Variants in ZCWPW2 observed in about 807,000 individuals in gnomAD.
ZCWPW2 encodes zinc finger CW-type PWWP domain protein 2.
Under a neutral mutation model 46.6 loss-of-function variants are expected in ZCWPW2, and 45 were observed. The observed-to-expected ratio is 0.96, with a 90% CI of 0.76 to 1.24. ZCWPW2 has a LOEUF of 1.24. ZCWPW2 is among the 50% of genes most tolerant of loss of function. The pLI is 0.00. For missense variants in ZCWPW2, 429 were observed against 403.9 expected (o/e 1.06, Z -0.53); for synonymous variants, 152 against 137.1 (o/e 1.11, Z -0.76).
chr3:28,507,538 G>A (rs1282573553), intron 6 of ZCWPW2, among the ~76,000 whole-genome samples: 1 of 150,694 alleles, frequency 6.6e-6, no homozygotes, highest in Non-Finnish European at 1.5e-5. Context: ...GTACAGTGGT[G>A]CAATCTTGGC....
chr3:28,352,109 C>T (rs1704573538), intron 1 of ZCWPW2, among the ~76,000 whole-genome samples: 1 of 148,902 alleles, frequency 6.7e-6, no homozygotes, highest in Non-Finnish European at 1.5e-5. Flanking sequence ...CCTCCTTTCC[C>T]TCTATCTCAG....
intron 6 of ZCWPW2, among the ~76,000 whole-genome samples, chr3:28,511,459 G>A (rs754564089): frequency 3.7e-4 from 56 of 152,034 alleles, no homozygotes; most frequent in Non-Finnish European, 6.8e-4. Context: ...CTATCCAAGT[G>A]TTAAATCTAT....
At chr3:28,480,874 T>C (rs1240226942) in intron 5 of ZCWPW2, among the ~76,000 whole-genome samples, 2 of 149,228 alleles carry the variant, frequency 1.3e-5, no homozygotes, top group East Asian at 2.0e-4. Flanking sequence ...CTTTTTTTTT[T>C]TTTTTTTTTG....
intron 3 of ZCWPW2, among the ~76,000 whole-genome samples, chr3:28,426,109 C>CA (rs905168650): frequency 4.7e-5 from 7 of 149,194 alleles, no homozygotes; most frequent in African/African-American, 1.5e-4. Flanking sequence ...AACTCTGTCA[C>CA]AAAAAAAAAT....
intron 4 of ZCWPW2, among the ~76,000 whole-genome samples, chr3:28,464,958 T>A (rs1373657470): frequency 6.6e-6 from 1 of 152,260 alleles, no homozygotes; most frequent in Admixed American, 6.5e-5. Context: ...TAAGCTTGAA[T>A]CCTATTTTGA....
chr3:28,482,521 AC>A (rs1217116155), intron 5 of ZCWPW2, among the ~76,000 whole-genome samples: 1 of 151,140 alleles, frequency 6.6e-6, no homozygotes. Flanking sequence ...ATACCAAGGA[AC>A]ACAATTGCTG....
chr3:28,412,335 TTAA>T (rs993794321), intron 2 of ZCWPW2, among the ~76,000 whole-genome samples: 1 of 151,964 alleles, frequency 6.6e-6, no homozygotes, highest in African/African-American at 2.4e-5. Context: ...AGAAATTTAA[TTAA>T]TAATAAATAA....
intron 3 of ZCWPW2, among the ~76,000 whole-genome samples, chr3:28,413,907 A>G (rs1371187943): frequency 1.3e-5 from 2 of 152,074 alleles, no homozygotes; most frequent in Non-Finnish European, 2.9e-5. Flanking sequence ...TTTGAAAAGC[A>G]TGTATTCTAT....
intron 5 of ZCWPW2, among the ~76,000 whole-genome samples, chr3:28,483,479 T>C (rs1699497844): frequency 6.6e-6 from 1 of 152,174 alleles, no homozygotes; most frequent in Non-Finnish European, 1.5e-5. Context: ...GGTCTTTGCC[T>C]TTCCATAAAA....
chr3:28,511,698 T>C (rs1700429565), intron 6 of ZCWPW2, among the ~76,000 whole-genome samples: 1 of 152,154 alleles, frequency 6.6e-6, no homozygotes, highest in South Asian at 2.1e-4. Context: ...CATTCAGTTG[T>C]CTACTTTTGT....
At chr3:28,459,337 T>C (rs1421033350) in intron 4 of ZCWPW2, among the ~76,000 whole-genome samples, 2 of 151,468 alleles carry the variant, frequency 1.3e-5, no homozygotes, top group Admixed American at 6.6e-5. Flanking sequence ...GCCACTGCAC[T>C]CCAGCCTGGG....
intron 1 of ZCWPW2, among the ~76,000 whole-genome samples, 178 bp downstream of exon 1, chr3:28,349,381 A>G (rs970452130): frequency 6.6e-6 from 1 of 152,146 alleles, no homozygotes; most frequent in African/African-American, 2.4e-5. Context: ...GGAACTGGGA[A>G]GTCTGTTAGA....
intron 5 of ZCWPW2, among the ~76,000 whole-genome samples, chr3:28,480,864 C>CTTTT (rs56891846): frequency 8.2e-6 from 1 of 122,008 alleles, no homozygotes; most frequent in African/African-American, 3.1e-5. Flanking sequence ...CATTTTTTTT[C>CTTTT]TTTTTTTTTT....
chr3:28,524,400 A>G, intron 9 of ZCWPW2, 127 bp from the exon 10 acceptor site: 1 of 926,246 alleles, frequency 1.1e-6, no homozygotes, highest in Non-Finnish European at 1.7e-6. Flanking sequence ...AGTGATTATT[A>G]TTTGAACACT....
chr3:28,411,848 CT>C lies in ZCWPW2; in HGVS notation c.-13-1203del, dbSNP rs150737375. Among the ~76,000 whole-genome samples the C allele has an allele frequency of 6.8e-3, 1,040 of 152,146 alleles. 10 individuals are homozygous for C. Among genetic ancestry groups the C allele is most frequent in the African/African-American group, 0.023 (943 of 41,538 alleles). On this transcript the variant is annotated intron_variant, in intron 2 of 9. Transcript: ENST00000383768. Reference sequence around the variant, plus strand: ...TGCTAGATTTGATTCTGTTTTTAGACTTTTTCACTCTTTCAACATGAAAAAC... The same window carrying C: ...TGCTAGATTTGATTCTGTTTTTAGACTTTTCACTCTTTCAACATGAAAAAC...
At chr3:28,411,987 T>C (rs537118769) in intron 2 of ZCWPW2, among the ~76,000 whole-genome samples, 10 of 152,192 alleles carry the variant, frequency 6.6e-5, no homozygotes, top group Non-Finnish European at 1.5e-4. Flanking sequence ...GAACTATGGC[T>C]ATTGAAATAT....
chr3:28,411,638 A>G (rs1696402603), intron 2 of ZCWPW2, among the ~76,000 whole-genome samples: 1 of 152,102 alleles, frequency 6.6e-6, no homozygotes. Context: ...TAAGTAACAC[A>G]TAACCTGGCT....
At chr3:28,481,432 G>A (rs1699426299) in intron 5 of ZCWPW2, among the ~76,000 whole-genome samples, 1 of 152,008 alleles carries the variant, frequency 6.6e-6, no homozygotes, top group Non-Finnish European at 1.5e-5. Context: ...TAGTAGAGAC[G>A]AGGTTTCACC....
intron 3 of ZCWPW2, among the ~76,000 whole-genome samples, chr3:28,414,058 C>G (rs899407117): frequency 6.6e-6 from 1 of 151,948 alleles, no homozygotes; most frequent in African/African-American, 2.4e-5. Flanking sequence ...TTATTTTTAG[C>G]TAAGGTTTAT....
Sources: gnomAD v4.1 joint callset for allele counts (sites outside exome capture counted in the v4.1 genomes callset) on GRCh38, gnomAD v4.1.1 for gene constraint, MANE v1.5 for transcripts, NCBI Gene and HGNC (gene_info 2026-07-23, HGNC 2026-07-21) for gene names.